TENM2: variants seen among roughly 807,000 people sequenced by gnomAD.
TENM2 encodes the protein teneurin transmembrane protein 2.
A neutral mutation model predicts 245.2 loss-of-function variants in TENM2; 52 were observed. The observed-to-expected ratio is 0.21, with a 90% CI of 0.17 to 0.27. TENM2 has a LOEUF of 0.27. Among genes scored for constraint, TENM2 ranks in the 10% least tolerant of loss-of-function variants. TENM2 has a pLI of 1.00. For synonymous variants in TENM2, 1,363 were observed against 1,438.9 expected (o/e 0.95, Z 1.19); for missense variants, 3,046 against 3,666.8 (o/e 0.83, Z 4.37).
chr5:167,707,237 T>G (rs980479721), intron 2 of TENM2, among the ~76,000 whole-genome samples: 1 of 152,114 alleles, frequency 6.6e-6, no homozygotes, highest in Non-Finnish European at 1.5e-5. Flanking sequence ...TTCAGTTCCT[T>G]TGTTCATTTT....
At chr5:167,418,637 T>C (rs1390854609) in intron 2 of TENM2, among the ~76,000 whole-genome samples, 1 of 152,166 alleles carries the variant, frequency 6.6e-6, no homozygotes, top group Admixed American at 6.5e-5. Context: ...ATATGGAGAT[T>C]TGCATACTTT....
At chr5:167,035,748 T>C in the TENM2 span, among the ~76,000 whole-genome samples, 1 of 152,180 alleles carries the variant, frequency 6.6e-6, no homozygotes, top group African/African-American at 2.4e-5. Context: ...AGTTTTATTT[T>C]TATTTATTTA....
chr5:167,413,300 T>C (rs80348211), intron 2 of TENM2, among the ~76,000 whole-genome samples: 5,342 of 152,174 alleles, frequency 0.035, 130 homozygotes, highest in Non-Finnish European at 0.057. Flanking sequence ...AGGTCTCTGA[T>C]TGAGTAATGA....
At chr5:167,288,793 C>A (rs1040542317) in intron 1 of TENM2, among the ~76,000 whole-genome samples, 1 of 152,148 alleles carries the variant, frequency 6.6e-6, no homozygotes, top group African/African-American at 2.4e-5. Flanking sequence ...GGCTTCAAAC[C>A]TAAGGGGCTG....
At chr5:167,014,258 G>T in the TENM2 span, among the ~76,000 whole-genome samples, 1 of 148,046 alleles carries the variant, frequency 6.8e-6, no homozygotes, top group East Asian at 2.0e-4. Flanking sequence ...TTAGAGAAAA[G>T]TAAAATACGA....
At chr5:167,038,947 G>A in the TENM2 span, among the ~76,000 whole-genome samples, 1 of 152,142 alleles carries the variant, frequency 6.6e-6, no homozygotes, top group Admixed American at 6.5e-5. Context: ...TCAAGAGAAG[G>A]TGACAGGATG....
intron 5 of TENM2, among the ~76,000 whole-genome samples, chr5:168,023,809 G>C (rs1417060197): frequency 6.6e-6 from 1 of 152,144 alleles, no homozygotes; most frequent in Non-Finnish European, 1.5e-5. Context: ...CACCTGCCCT[G>C]GGAGCTCCCT....
chr5:167,049,066 T>C, the TENM2 span, among the ~76,000 whole-genome samples: 69 of 152,328 alleles, frequency 4.5e-4, no homozygotes, highest in Admixed American at 2.7e-3. Flanking sequence ...GTAATTACAC[T>C]GTAAGTACCT....
At chr5:167,344,311 T>C (rs2112584) in intron 1 of TENM2, among the ~76,000 whole-genome samples, 1,133 of 64,032 alleles carry the variant, frequency 0.018, 4 homozygotes, top group Admixed American at 0.033. Context: ...CACACACACA[T>C]ATATATATAT....
intron 2 of TENM2, among the ~76,000 whole-genome samples, chr5:167,809,126 G>T (rs1261381981): frequency 6.6e-6 from 1 of 152,146 alleles, no homozygotes; most frequent in African/African-American, 2.4e-5. Flanking sequence ...TACACAAGAC[G>T]CTGTCTCAGT....
the TENM2 span, among the ~76,000 whole-genome samples, chr5:167,141,234 A>T: frequency 6.6e-6 from 1 of 152,220 alleles, no homozygotes; most frequent in East Asian, 1.9e-4. Flanking sequence ...ATTGCTAATT[A>T]TCCAAACATT....
At chr5:167,810,757 T>C (rs1766577454) in intron 2 of TENM2, among the ~76,000 whole-genome samples, 1 of 152,152 alleles carries the variant, frequency 6.6e-6, no homozygotes, top group South Asian at 2.1e-4. Context: ...CTTGTCACAA[T>C]GGACAACAAA....
intron 2 of TENM2, among the ~76,000 whole-genome samples, chr5:167,481,915 A>G (rs537105178): frequency 1.5e-4 from 23 of 152,212 alleles, no homozygotes; most frequent in Non-Finnish European, 3.2e-4. Flanking sequence ...ATTACCGTCA[A>G]TTTTGCAGCT....
chr5:167,169,910 T>G, the TENM2 span, among the ~76,000 whole-genome samples: 1 of 152,174 alleles, frequency 6.6e-6, no homozygotes, highest in African/African-American at 2.4e-5. Flanking sequence ...GATGTAAGCA[T>G]CACAGCTCTT....
chr5:167,756,011 C>A (rs1762288583), intron 2 of TENM2, among the ~76,000 whole-genome samples: 1 of 151,982 alleles, frequency 6.6e-6, no homozygotes, highest in Non-Finnish European at 1.5e-5. Context: ...GGACATCAGC[C>A]CTGTGTGGCA....
intron 1 of TENM2, among the ~76,000 whole-genome samples, chr5:167,356,992 T>C (rs989093848): frequency 6.6e-6 from 1 of 152,216 alleles, no homozygotes; most frequent in Non-Finnish European, 1.5e-5. Flanking sequence ...CTGAAAGTAT[T>C]GTGGGCCTTA....
chr5:167,071,570 T>A, the TENM2 span, among the ~76,000 whole-genome samples: 1 of 152,188 alleles, frequency 6.6e-6, no homozygotes, highest in Non-Finnish European at 1.5e-5. Context: ...TCTTGATTAG[T>A]CAATCCTATA....
chr5:167,041,021 T>C, the TENM2 span, among the ~76,000 whole-genome samples: 8 of 152,192 alleles, frequency 5.3e-5, no homozygotes, highest in Non-Finnish European at 7.3e-5. Context: ...TAAGGTTCAT[T>C]CATTTTTCCT....
rs550855698 is a variant in TENM2 at position 167,517,529 on chromosome 5, G to A, written c.502+142056G>A. ...CTTATGAACTGCTATAGTTTTCAGC[G>A]CTAATAGAGGACATACTGCAAGTTG... On this transcript the variant is annotated intron_variant, in intron 2 of 28. Transcript: ENST00000518659. 2.5e-3 allele frequency among the ~76,000 whole-genome samples: 375 copies of A among 152,170 alleles called. 1 individual carries two copies. The highest frequency in any genetic ancestry group is 8.6e-3 in the African/African-American group (359 of 41,524).
Sources: gnomAD v4.1 joint callset for allele counts (sites outside exome capture counted in the v4.1 genomes callset) on GRCh38, gnomAD v4.1.1 for gene constraint, MANE v1.5 for transcripts, NCBI Gene and HGNC (gene_info 2026-07-23, HGNC 2026-07-21) for gene names.